Variants in LOC128092253 observed in about 807,000 individuals in gnomAD.
chr6:133,974,812 C>T, the LOC128092253 span, among the ~76,000 whole-genome samples: 1 of 152,176 alleles, frequency 6.6e-6, no homozygotes, highest in Non-Finnish European at 1.5e-5. Flanking sequence ...TAAGTGTCAT[C>T]TTATTCTTTT....
chr6:133,979,131 G>C, the LOC128092253 span, among the ~76,000 whole-genome samples: 1 of 152,138 alleles, frequency 6.6e-6, no homozygotes, highest in Non-Finnish European at 1.5e-5. Context: ...AAATTACTTG[G>C]TAGAGCTCCT....
the LOC128092253 span, among the ~76,000 whole-genome samples, chr6:133,978,469 A>G: frequency 6.6e-6 from 1 of 152,178 alleles, no homozygotes; most frequent in African/African-American, 2.4e-5. Context: ...GCTTAAGACC[A>G]ATGGTAATAA....
chr6:133,956,989 G>A, the LOC128092253 span, among the ~76,000 whole-genome samples: 1 of 152,170 alleles, frequency 6.6e-6, no homozygotes, highest in Non-Finnish European at 1.5e-5. Flanking sequence ...GACAGATGGA[G>A]TTTGTGTATT....
chr6:133,955,618 T>C, the LOC128092253 span, among the ~76,000 whole-genome samples: 1 of 152,176 alleles, frequency 6.6e-6, no homozygotes, highest in Non-Finnish European at 1.5e-5. Flanking sequence ...CTGCTGAAAC[T>C]CAAGAGCTTC....
At chr6:133,959,824 G>A in the LOC128092253 span, among the ~76,000 whole-genome samples, 2 of 152,194 alleles carry the variant, frequency 1.3e-5, no homozygotes, top group Non-Finnish European at 2.9e-5. Context: ...AGGGACAGAT[G>A]TTGCTGTCTT....
chr6:133,964,918 C>T, the LOC128092253 span, among the ~76,000 whole-genome samples: 1 of 152,098 alleles, frequency 6.6e-6, no homozygotes, highest in African/African-American at 2.4e-5. Context: ...AAGTTTCACC[C>T]GTTGTATTTT....
At chr6:133,964,417 GT>G in the LOC128092253 span, among the ~76,000 whole-genome samples, 5 of 146,172 alleles carry the variant, frequency 3.4e-5, no homozygotes, top group African/African-American at 1.3e-4. Flanking sequence ...TGAACTGTTT[GT>G]TTTTTTTGTT....
the LOC128092253 span, among the ~76,000 whole-genome samples, chr6:133,960,760 G>T: frequency 6.6e-6 from 1 of 152,144 alleles, no homozygotes; most frequent in Non-Finnish European, 1.5e-5. Context: ...TGACTGACAG[G>T]GTGGCCATTC....
At chr6:133,974,862 T>A in the LOC128092253 span, among the ~76,000 whole-genome samples, 1 of 152,176 alleles carries the variant, frequency 6.6e-6, no homozygotes, top group Non-Finnish European at 1.5e-5. Flanking sequence ...TGCAAAGAAC[T>A]GCTAAATAAA....
chr6:133,972,678 GTGTTTGTTTGTT>G, the LOC128092253 span, among the ~76,000 whole-genome samples: 123 of 151,020 alleles, frequency 8.1e-4, no homozygotes, highest in African/African-American at 2.7e-3. Flanking sequence ...TATGATCTTG[GTGTTTGTTTGTT>G]TGTTTGTTTG....
At chr6:133,969,174 C>T in the LOC128092253 span, among the ~76,000 whole-genome samples, 6 of 151,126 alleles carry the variant, frequency 4.0e-5, no homozygotes, top group Non-Finnish European at 7.4e-5. Flanking sequence ...TTCAGAAAAT[C>T]AGTATCATTT....
the LOC128092253 span, among the ~76,000 whole-genome samples, chr6:133,970,756 A>G: frequency 1.3e-5 from 2 of 152,108 alleles, no homozygotes; most frequent in African/African-American, 4.8e-5. Context: ...ATGCACCACC[A>G]TACCTGGCTA....
the LOC128092253 span, among the ~76,000 whole-genome samples, chr6:133,963,900 G>C: frequency 6.6e-6 from 1 of 151,734 alleles, no homozygotes; most frequent in Non-Finnish European, 1.5e-5. Flanking sequence ...AATTAGCCAG[G>C]CGTGGTGGCG....
chr6:133,962,136 A>G, the LOC128092253 span, among the ~76,000 whole-genome samples: 1 of 152,176 alleles, frequency 6.6e-6, no homozygotes, highest in Admixed American at 6.5e-5. Flanking sequence ...TGAGAATGTT[A>G]AGGTGTGTTG....
At chr6:133,977,188 CTT>C in the LOC128092253 span, among the ~76,000 whole-genome samples, 1 of 152,022 alleles carries the variant, frequency 6.6e-6, no homozygotes, top group Non-Finnish European at 1.5e-5. Flanking sequence ...TAGGTTGCCT[CTT>C]TTAAAAAAGT....
At chr6:133,971,651 T>C in the LOC128092253 span, among the ~76,000 whole-genome samples, 2 of 152,160 alleles carry the variant, frequency 1.3e-5, no homozygotes, top group Non-Finnish European at 2.9e-5. Flanking sequence ...TGGTATCTCA[T>C]TGTGGTTTTG....
chr6:133,969,534 T>C, the LOC128092253 span, among the ~76,000 whole-genome samples: 1 of 152,202 alleles, frequency 6.6e-6, no homozygotes, highest in Non-Finnish European at 1.5e-5. Flanking sequence ...TCAAATACTT[T>C]TGCTTTCACT....
At chr6:133,964,395 A>C in the LOC128092253 span, among the ~76,000 whole-genome samples, 1 of 150,178 alleles carries the variant, frequency 6.7e-6, no homozygotes. Context: ...TGTTTTTTAA[A>C]CCAGAAATGT....
At chr6:133,965,101 A>G in the LOC128092253 span, among the ~76,000 whole-genome samples, 1 of 152,182 alleles carries the variant, frequency 6.6e-6, no homozygotes, top group Non-Finnish European at 1.5e-5. Flanking sequence ...TAGCTACCCT[A>G]GTGAATTAAC....
Sources: gnomAD v4.1 joint callset for allele counts (sites outside exome capture counted in the v4.1 genomes callset) on GRCh38, gnomAD v4.1.1 for gene constraint, MANE v1.5 for transcripts.